Variants in DLGAP5 observed in about 807,000 individuals in gnomAD.
DLGAP5 encodes the protein disks large-associated protein 5.
Under a neutral mutation model 99.6 loss-of-function variants are expected in DLGAP5, and 90 were observed. The ratio of observed to expected loss-of-function variants is 0.90; its 90% CI spans 0.76 to 1.08. The LOEUF is 1.08. DLGAP5 is among the 50% of genes least tolerant of loss of function. DLGAP5 has a pLI of 0.00. For synonymous variants in DLGAP5, 311 were observed against 321.3 expected, an observed-to-expected ratio of 0.97 and a Z score of 0.34; for missense variants, 1,036 against 983.5, an observed-to-expected ratio of 1.05 and a Z score of -0.71.
At chr14:55,179,730 A>T (rs776971278) in intron 6 of DLGAP5, 31 bp from the exon 7 acceptor site, 9 of 1,548,634 alleles carry the variant, frequency 5.8e-6, no homozygotes, top group Non-Finnish European at 2.7e-6. Context: ...TTATTTTACT[A>T]GATAGAAATG....
chr14:55,181,080 A>G, intron 5 of DLGAP5, 133 bp downstream of exon 5: 1 of 874,758 alleles, frequency 1.1e-6, no homozygotes, highest in Non-Finnish European at 1.7e-6. Flanking sequence ...GTGCCACTGC[A>G]CTCCAACCTG....
intron 7 of DLGAP5, 112 bp downstream of exon 7, chr14:55,179,517 C>T: frequency 1.3e-6 from 1 of 778,894 alleles, no homozygotes; most frequent in East Asian, 2.9e-5. Flanking sequence ...GAAGTTTTAA[C>T]ACACATGTAG....
Position 55,169,497 on chromosome 14 carries a change from G to A in DLGAP5, c.1450C>T (p.Gln484Ter). ...CAATCATCAACCAGTCCTTCAAACTGTTTAAACCTTTCCTTCATAAGGAGT... is the reference window on the plus strand; with the variant it reads ...CAATCATCAACCAGTCCTTCAAACTATTTAAACCTTTCCTTCATAAGGAGT... Reference protein sequence around the residue: ...TRLLMKERFKQFEGLVDDCEY... With the variant: ...TRLLMKERFK The change falls in exon 12 of 19, where the codon CAG (glutamine) becomes TAG (stop). Residue 484 changes from glutamine (Q) to a stop codon, truncating the protein, a stop_gained. Transcript: ENST00000247191. LOFTEE classifies it high-confidence loss of function. 2 of 1,612,888 alleles carry A rather than the reference G, an allele frequency of 1.2e-6. No homozygotes were observed. Among genetic ancestry groups the A allele is most frequent in the Non-Finnish European group, 1.7e-6 (2 of 1,179,588 alleles).
chr14:55,162,563 G>T (rs1231028837), intron 13 of DLGAP5, among the ~76,000 whole-genome samples: 1 of 151,642 alleles, frequency 6.6e-6, no homozygotes, highest in Non-Finnish European at 1.5e-5. Context: ...AGCTGGCAGT[G>T]AGCTGAGATC....
chr14:55,175,882 T>C lies in DLGAP5; in HGVS notation c.1174+12A>G. ...TATTCTAAAAAATGAATAAATTAAT[T>C]AAATACTATACCTTCATGCCAAACA... On this transcript the variant is annotated intron_variant, in intron 9 of 18. Transcript: ENST00000247191. 6.5e-7 allele frequency: 1 copy of C among 1,545,738 alleles called. No individual in the cohort carries two copies. Among genetic ancestry groups the C allele is most frequent in the South Asian group, 1.3e-5 (1 of 76,094 alleles).
chr14:55,180,546 G>A, intron 6 of DLGAP5, 110 bp downstream of exon 6: 4 of 1,463,968 alleles, frequency 2.7e-6, no homozygotes, highest in Non-Finnish European at 3.7e-6. Flanking sequence ...AGAATTTCCT[G>A]TTTCCTTCTC....
At chr14:55,187,777 G>T (rs1883481441) in intron 2 of DLGAP5, among the ~76,000 whole-genome samples, 1 of 152,080 alleles carries the variant, frequency 6.6e-6, no homozygotes, top group African/African-American at 2.4e-5. Flanking sequence ...AGGGCTACAG[G>T]CCTGACTCCA....
intron 2 of DLGAP5, 77 bp downstream of exon 2, chr14:55,188,865 T>G: frequency 9.2e-7 from 1 of 1,081,910 alleles, no homozygotes; most frequent in Non-Finnish European, 1.3e-6. Context: ...TGGCCAGAGT[T>G]TTTTACTCAC....
chr14:55,148,418 T>C lies in DLGAP5; in HGVS notation c.2474A>G (p.His825Arg), dbSNP rs749742261. ...FTQLERRHQE[H>R]ARHISFGGNL... ...ACCACCAAAAGAAATGTGTCTGGCA[T>C]GTTCTTGATGTCTCCTCTCCAGCTG... Residue 825 changes from histidine (H) to arginine (R), a missense_variant, in exon 19 of 19, where the codon CAT becomes CGT. Coordinates refer to ENST00000247191, the MANE Select transcript of DLGAP5 (RefSeq NM_014750.5). The C allele has an allele frequency of 5.0e-6, 8 of 1,614,192 alleles. 1 individual carries two copies. The South Asian group carries it at 6.6e-5, about 13-fold the overall frequency.
rs1328532146 is a variant in DLGAP5, at chr14:55,158,799, A to C, written c.1654-58T>G. On this transcript the variant is annotated intron_variant, in intron 13 of 18. Transcript: ENST00000247191. ...CATTACCATCTTACAAGAAAAACAC[A>C]CAACAAACACAAATTCATCACTTAA... 1.3e-5 allele frequency: 16 copies of C among 1,205,656 alleles called. No homozygotes were observed. In the Admixed American group the frequency reaches 3.0e-4, roughly 23 times the overall value. The allele number at this position is 1,205,656 out of a possible 1,614,324, so 74.7% of individuals were successfully genotyped here. A position where few individuals can be genotyped will look rare whatever the true frequency, so the allele number is the denominator to read the frequency against.
In DLGAP5 at chr14:55,151,764, TAC is replaced by T. The variant is rs1882027492; in HGVS notation, c.2297_2298del (p.Ser766LysfsTer3). 3.1e-6 allele frequency: 5 copies of T among 1,613,994 alleles called. No homozygotes were observed. Among genetic ancestry groups the T allele is most frequent in the Non-Finnish European group, 4.2e-6 (5 of 1,179,946 alleles). On this transcript the variant is annotated frameshift_variant, in exon 17 of 19. Transcript: ENST00000247191. LOFTEE classifies it high-confidence loss of function. ...SSITSQDVLM[S>X]SPEKNTASQN... is the part of the protein sequence containing the mutation. ...TGTGAAGCTGTATTTTTTTCAGGGC[TAC>T]TCATCAAAACATCCTGTGATGTAAT...
chr14:55,190,585 C>T (rs1296094601), intron 1 of DLGAP5, among the ~76,000 whole-genome samples: 1 of 152,188 alleles, frequency 6.6e-6, no homozygotes, highest in African/African-American at 2.4e-5. Context: ...CTGTGATAGA[C>T]ACACTATGGT....
At chr14:55,156,900 C>A (rs1176860263) in intron 14 of DLGAP5, among the ~76,000 whole-genome samples, 1 of 152,062 alleles carries the variant, frequency 6.6e-6, no homozygotes, top group Admixed American at 6.6e-5. Flanking sequence ...TGATAGCCAG[C>A]ATGAAAGTTG....
At chr14:55,172,999 AAAAAAG>A in intron 10 of DLGAP5, among the ~76,000 whole-genome samples, 1 of 151,332 alleles carries the variant, frequency 6.6e-6, no homozygotes, top group Non-Finnish European at 1.5e-5. Context: ...AAAAAAAAAA[AAAAAAG>A]AAGAGATAGC....
chr14:55,178,512 G>T (rs1255983159), intron 7 of DLGAP5, among the ~76,000 whole-genome samples: 1 of 152,186 alleles, frequency 6.6e-6, no homozygotes, highest in African/African-American at 2.4e-5. Context: ...AATAAGATAT[G>T]AACTCAAACC....
chr14:55,155,111 G>A (rs1004573475), intron 14 of DLGAP5, among the ~76,000 whole-genome samples: 2 of 151,942 alleles, frequency 1.3e-5, no homozygotes, highest in East Asian at 1.9e-4. Flanking sequence ...TGCAACCTCC[G>A]CCTCCCAGCT....
rs193087162 is a variant in DLGAP5, at chr14:55,169,942, C to G, written c.1388-383G>C. On this transcript the variant is annotated intron_variant, in intron 11 of 18. Coordinates refer to ENST00000247191, the MANE Select transcript of DLGAP5 (RefSeq NM_014750.5). ...CTGAGGTCAGGAGTTCGAGACCAGC[C>G]TGGCCAACATGGTGAAACCCCATCC... is the stretch of plus-strand genomic sequence containing the variant. 5.9e-5 allele frequency among the ~76,000 whole-genome samples: 9 copies of G among 152,262 alleles called. No homozygotes were observed. In the East Asian group the frequency reaches 1.5e-3, roughly 26 times the overall value.
chr14:55,180,718 T>C lies in DLGAP5; in HGVS notation c.641A>G (p.Lys214Arg). ...AGATGAGACTGTTCTGGGAACCTGC[T>C]TTGCTGCTTGAGTAGCTGATCGAGT... ...RMTRSATQAA[K>R]QVPRTVSSTT... The change falls in exon 6 of 19, where the codon AAG becomes AGG. Residue 214 changes from lysine to arginine, a missense_variant. Lys to Arg is a conservative substitution (Grantham distance 26). Coordinates refer to ENST00000247191, the MANE Select transcript of DLGAP5 (RefSeq NM_014750.5). 1 of 1,614,186 alleles carries C rather than the reference T, an allele frequency of 6.2e-7. No individual in the cohort carries two copies. The highest frequency in any genetic ancestry group is 1.1e-5 in the South Asian group (1 of 91,080).
chr14:55,183,485 G>A (rs1411953834), intron 3 of DLGAP5, 75 bp downstream of exon 3: 1 of 1,242,696 alleles, frequency 8.0e-7, no homozygotes. Context: ...AAGGGAAAGG[G>A]GTTAGTCACT....
Sources: gnomAD v4.1 joint callset for allele counts (sites outside exome capture counted in the v4.1 genomes callset) on GRCh38, gnomAD v4.1.1 for gene constraint, MANE v1.5 for transcripts, NCBI Gene and HGNC (gene_info 2026-07-23, HGNC 2026-07-21) for gene names.